FBXO31: variants seen among roughly 807,000 people sequenced by gnomAD.
FBXO31 encodes the protein F-box only protein 31.
In FBXO31, 24 loss-of-function variants were observed where a neutral mutation model predicts 54.4. The observed-to-expected ratio is 0.44, with a 90% CI of 0.32 to 0.62. The LOEUF (loss-of-function observed/expected upper bound fraction) is 0.62. FBXO31 is among the 20% of genes least tolerant of loss of function. FBXO31 has a pLI of 0.05. For synonymous variants in FBXO31, 388 were observed against 335.6 expected (o/e 1.16, Z -1.71); for missense variants, 665 against 787.1 (o/e 0.84, Z 1.86).
chr16:87,371,729 G>C (rs757682119), intron 1 of FBXO31, among the ~76,000 whole-genome samples: 1 of 152,210 alleles, frequency 6.6e-6, no homozygotes, highest in Non-Finnish European at 1.5e-5. Flanking sequence ...ACCCTCAGAT[G>C]CATTACGTCA....
intron 2 of FBXO31, among the ~76,000 whole-genome samples, chr16:87,348,068 C>T (rs1162049626): frequency 5.3e-5 from 8 of 152,154 alleles, no homozygotes; most frequent in African/African-American, 1.4e-4. Context: ...CTGGGCCCTG[C>T]CCAGGCCTTC....
chr16:87,349,508 G>A (rs1273977595), intron 2 of FBXO31, among the ~76,000 whole-genome samples: 3 of 152,120 alleles, frequency 2.0e-5, no homozygotes, highest in South Asian at 2.1e-4. Flanking sequence ...CGAGGAGTTC[G>A]AGACCAGCCT....
At chr16:87,343,005 A>G (rs1350207035) in intron 4 of FBXO31, 54 bp from the exon 5 acceptor site, 1 of 1,486,150 alleles carries the variant, frequency 6.7e-7, no homozygotes, top group Non-Finnish European at 9.2e-7. Flanking sequence ...AGTCCATCAC[A>G]GCATCCCCCA....
rs1448963273 is a variant in FBXO31, at chr16:87,346,905, C to T, written c.489+269G>A. ...CATGTGCGCGATGGGCCTCAGCGTC[C>T]AGGAAGCAAAGGCCCTCACAAGCCA... On this transcript the variant is annotated intron_variant, in intron 3 of 8. Transcript: ENST00000311635. This position sits in a 1 kb window ranked among gnomAD's most constrained non-coding sequence, Gnocchi z 4.2. Among the ~76,000 whole-genome samples, 1 of 152,180 alleles carries T rather than the reference C, an allele frequency of 6.6e-6. No individual in the cohort carries two copies. Among genetic ancestry groups the T allele is most frequent in the African/African-American group, 2.4e-5 (1 of 41,440 alleles).
chr16:87,354,538 C>G (rs1905811074), intron 2 of FBXO31, among the ~76,000 whole-genome samples: 1 of 152,062 alleles, frequency 6.6e-6, no homozygotes, highest in Non-Finnish European at 1.5e-5. Flanking sequence ...TGTATCAGAT[C>G]TGCTGTCAGG....
At chr16:87,366,857 C>T (rs768479376) in intron 1 of FBXO31, among the ~76,000 whole-genome samples, 66 of 152,084 alleles carry the variant, frequency 4.3e-4, no homozygotes, top group Non-Finnish European at 8.8e-4. Context: ...CTCTGGCGAC[C>T]TCCAAAATAG....
intron 8 of FBXO31, among the ~76,000 whole-genome samples, chr16:87,333,080 C>T (rs1904919200): frequency 6.6e-6 from 1 of 152,246 alleles, no homozygotes; most frequent in South Asian, 2.1e-4. Flanking sequence ...ATTTAAACAG[C>T]TCTAAAGGGT....
chr16:87,355,724 A>G (rs1271726149), intron 2 of FBXO31, among the ~76,000 whole-genome samples: 1 of 152,216 alleles, frequency 6.6e-6, no homozygotes, highest in Non-Finnish European at 1.5e-5. Context: ...GAGGCTGCGC[A>G]GCCTGGATGC....
At chr16:87,384,695 C>T (rs530399267), upstream of FBXO31, among the ~76,000 whole-genome samples, 54 of 152,356 alleles carry the variant, frequency 3.5e-4, no homozygotes, top group Admixed American at 6.5e-4. Context: ...AGGCCAGGAG[C>T]TCGAGACCGG....
At position 87,358,271 on chromosome 16, in the gene FBXO31, C is replaced by A. The variant is rs1295907837; in HGVS notation, c.412+2024G>T. On this transcript the variant is annotated intron_variant, in intron 2 of 8. Coordinates refer to ENST00000311635, the MANE Select transcript of FBXO31 (RefSeq NM_024735.5). This position sits in a 1 kb window ranked among gnomAD's most constrained non-coding sequence, Gnocchi z 4.0. ...GCAGAGCCACGCTGCAGCAAGTGAACGTGAAAGGATGACAAAAAGCCACGA... is the reference window on the plus strand; with the variant it reads ...GCAGAGCCACGCTGCAGCAAGTGAAAGTGAAAGGATGACAAAAAGCCACGA... The A allele has an allele frequency of 6.6e-6, 1 of 152,364 alleles. No individual in the cohort carries two copies. The highest frequency in any genetic ancestry group is 1.5e-5 in the Non-Finnish European group (1 of 68,046). 9.4% of individuals were successfully genotyped at this position (152,364 alleles called of 1,614,324 possible).
upstream of FBXO31, among the ~76,000 whole-genome samples, chr16:87,390,324 A>G (rs1894444413): frequency 6.6e-6 from 1 of 152,226 alleles, no homozygotes; most frequent in Non-Finnish European, 1.5e-5. Context: ...ATAAAGAACT[A>G]CAACTAACGT....
chr16:87,351,970 A>C (rs1461226335), intron 2 of FBXO31, among the ~76,000 whole-genome samples: 1 of 152,184 alleles, frequency 6.6e-6, no homozygotes, highest in Non-Finnish European at 1.5e-5. Flanking sequence ...ATCACTAGGG[A>C]CACGAGAAAA....
intron 5 of FBXO31, among the ~76,000 whole-genome samples, chr16:87,337,508 G>T (rs1283962751): frequency 6.6e-6 from 1 of 152,202 alleles, no homozygotes. Context: ...CAAACGGGAG[G>T]ACCAGGCTGC....
In FBXO31 at chr16:87,331,260, C is replaced by A. The variant is rs756167286; in HGVS notation, c.*28G>T. 6.2e-7 allele frequency: 1 copy of A among 1,600,562 alleles called. No homozygotes were observed. Among genetic ancestry groups the A allele is most frequent in the South Asian group, 1.1e-5 (1 of 90,578 alleles). Reference sequence around the variant, plus strand: ...CAGAGTTCAGAGCCCCAGAGCCACCCGGGATGTGGCGGCAAGGATGTGGCC... The same window carrying A: ...CAGAGTTCAGAGCCCCAGAGCCACCAGGGATGTGGCGGCAAGGATGTGGCC... On this transcript the variant is annotated 3_prime_UTR_variant, in exon 9 of 9. Transcript: ENST00000311635.
At chr16:87,343,902 G>A (rs1004430631) in intron 3 of FBXO31, 137 bp from the exon 4 acceptor site, 12 of 822,722 alleles carry the variant, frequency 1.5e-5, no homozygotes, top group East Asian at 2.7e-5. Flanking sequence ...GCCCACCCTC[G>A]AGGTGCCTCG....
chr16:87,358,075 C>T lies in FBXO31; in HGVS notation c.412+2220G>A, dbSNP rs1404447051. Reference sequence around the variant, plus strand: ...TTCACTTTAGAATAAAATTTTAAAGCTTCTACTCTGTTCGTTCCTCTCTGT... The same window carrying T: ...TTCACTTTAGAATAAAATTTTAAAGTTTCTACTCTGTTCGTTCCTCTCTGT... On this transcript the variant is annotated intron_variant, in intron 2 of 8. Coordinates refer to ENST00000311635, the MANE Select transcript of FBXO31 (RefSeq NM_024735.5). This position sits in a 1 kb window ranked among gnomAD's most constrained non-coding sequence, Gnocchi z 4.0. 2.6e-5 allele frequency among the ~76,000 whole-genome samples: 4 copies of T among 152,152 alleles called. No homozygotes were observed. The highest frequency in any genetic ancestry group is 7.2e-5 in the African/African-American group (3 of 41,420).
At chr16:87,371,650 C>T (rs889515731) in intron 1 of FBXO31, among the ~76,000 whole-genome samples, 3 of 152,284 alleles carry the variant, frequency 2.0e-5, no homozygotes, top group Non-Finnish European at 4.4e-5. Context: ...AGAGGACACT[C>T]GTTCCCCTGC....
At chr16:87,349,866 G>C (rs984599522) in intron 2 of FBXO31, among the ~76,000 whole-genome samples, 12 of 151,096 alleles carry the variant, frequency 7.9e-5, no homozygotes, top group African/African-American at 2.7e-4. Flanking sequence ...CTATGATCGT[G>C]CCACTGCACT....
rs1906007598 is a variant in FBXO31, at chr16:87,358,782, C to A, written c.412+1513G>T. Among the ~76,000 whole-genome samples the A allele has an allele frequency of 6.6e-6, 1 of 152,160 alleles. No individual in the cohort carries two copies. The highest frequency in any genetic ancestry group is 1.5e-5 in the Non-Finnish European group (1 of 68,024). ...CACTCCTCCCGGGGCCAGCACACTCCCGGCAGGCCCCAGGCCACAGCTCAC... is the reference window on the plus strand; with the variant it reads ...CACTCCTCCCGGGGCCAGCACACTCACGGCAGGCCCCAGGCCACAGCTCAC... On this transcript the variant is annotated intron_variant, in intron 2 of 8. Coordinates refer to ENST00000311635, the MANE Select transcript of FBXO31 (RefSeq NM_024735.5). This position sits in a 1 kb window ranked among gnomAD's most constrained non-coding sequence, Gnocchi z 4.0.
Sources: gnomAD v4.1 joint callset for allele counts (sites outside exome capture counted in the v4.1 genomes callset) on GRCh38, gnomAD v4.1.1 for gene constraint, Gnocchi (gnomAD v3.1) non-coding constraint, MANE v1.5 for transcripts, NCBI Gene and HGNC (gene_info 2026-07-23, HGNC 2026-07-21) for gene names.